The following RIMS3 variants were observed in gnomAD, a reference collection of about 807,000 sequenced individuals.
The protein encoded by RIMS3 is regulating synaptic membrane exocytosis protein 3.
Under a neutral mutation model 29.2 loss-of-function variants are expected in RIMS3, and 15 were observed. The observed-to-expected ratio is 0.51, with a 90% CI of 0.34 to 0.79. RIMS3 has a LOEUF of 0.79. Among genes scored for constraint, RIMS3 ranks in the 30% least tolerant of loss-of-function variants. RIMS3 has a pLI of 0.01. For synonymous variants in RIMS3, 161 were observed against 170.1 expected (o/e 0.95, Z 0.41); for missense variants, 342 against 421.4 (o/e 0.81, Z 1.65).
chr1:40,683,779 C>T, the RIMS3 span, among the ~76,000 whole-genome samples: 5 of 152,226 alleles, frequency 3.3e-5, no homozygotes, highest in Non-Finnish European at 5.9e-5. Context: ...ATTTCTACCA[C>T]TGCAGAAAGC....
intron 6 of RIMS3, 139 bp downstream of exon 6, chr1:40,629,132 T>A (rs1646472753): frequency 3.8e-6 from 4 of 1,050,792 alleles, no homozygotes; most frequent in Non-Finnish European, 5.8e-6. Context: ...CTCCCCCACC[T>A]AGTCACTGGC....
intron 1 of RIMS3, among the ~76,000 whole-genome samples, chr1:40,648,132 G>C (rs544506967): frequency 1.3e-5 from 2 of 152,088 alleles, no homozygotes; most frequent in Non-Finnish European, 2.9e-5. Context: ...AGGAGCTCTA[G>C]ACCCTATCCT....
At chr1:40,644,743 C>T (rs565216154) in intron 2 of RIMS3, among the ~76,000 whole-genome samples, 2 of 152,350 alleles carry the variant, frequency 1.3e-5, no homozygotes, top group East Asian at 1.9e-4. Flanking sequence ...GCCTCTCCAG[C>T]ATGCTCTGCA....
At position 40,629,180 on chromosome 1, in the gene RIMS3, G is replaced by A; in HGVS notation, c.574+91C>T. ...CTGTGACTCCACTGTAAAGAATCCC[G>A]ATTTAGGCCAGTGGGAGCTGAGGAC... On this transcript the variant is annotated intron_variant, in intron 6 of 7. Transcript: ENST00000372684. The A allele has an allele frequency of 6.5e-6, 8 of 1,228,538 alleles. No individual in the cohort carries two copies. The South Asian group carries it at 1.0e-4, about 16-fold the overall frequency. The allele number at this position is 1,228,538 out of a possible 1,614,324, so 76.1% of individuals were successfully genotyped here. A position where few individuals can be genotyped will look rare whatever the true frequency, so the allele number is the denominator to read the frequency against.
At chr1:40,648,019 C>T (rs1253995386) in intron 1 of RIMS3, among the ~76,000 whole-genome samples, 177 bp from the exon 2 acceptor site, 1 of 152,128 alleles carries the variant, frequency 6.6e-6, no homozygotes, top group East Asian at 1.9e-4. Flanking sequence ...ACTCATGGGC[C>T]CCCTTAATGT....
At chr1:40,665,154 C>G (rs1395427782) in intron 1 of RIMS3, among the ~76,000 whole-genome samples, 1 of 152,178 alleles carries the variant, frequency 6.6e-6, no homozygotes, top group African/African-American at 2.4e-5. Context: ...GAACTCAAGA[C>G]TCTGGGCCCC....
intron 5 of RIMS3, among the ~76,000 whole-genome samples, chr1:40,631,324 G>C (rs1018733778): frequency 6.6e-6 from 1 of 152,114 alleles, no homozygotes; most frequent in African/African-American, 2.4e-5. Context: ...AGGTAGTACC[G>C]TCATCCCTCA....
chr1:40,690,202 C>T, the RIMS3 span, among the ~76,000 whole-genome samples: 1 of 152,120 alleles, frequency 6.6e-6, no homozygotes, highest in Non-Finnish European at 1.5e-5. Context: ...CATTTTTTGG[C>T]AAGCATAGTA....
chr1:40,673,931 T>C, the RIMS3 span, among the ~76,000 whole-genome samples: 2 of 148,944 alleles, frequency 1.3e-5, no homozygotes, highest in Non-Finnish European at 3.0e-5. Flanking sequence ...AGAAAACATA[T>C]GTAAAGTGAT....
At chr1:40,660,998 C>T (rs1257422870) in intron 1 of RIMS3, among the ~76,000 whole-genome samples, 1 of 152,154 alleles carries the variant, frequency 6.6e-6, no homozygotes, top group Non-Finnish European at 1.5e-5. Context: ...GTCCTCCCTT[C>T]TCCACTGCAC....
intron 5 of RIMS3, among the ~76,000 whole-genome samples, chr1:40,632,418 TTATATATATATATA>T (rs56394507): frequency 0.16 from 13,785 of 87,940 alleles, 970 homozygotes; most frequent in Middle Eastern, 0.2. Flanking sequence ...ACATATAAAT[TTATATATATATATA>T]TATATATATA....
chr1:40,686,477 C>G, the RIMS3 span, among the ~76,000 whole-genome samples: 1 of 151,948 alleles, frequency 6.6e-6, no homozygotes, highest in Non-Finnish European at 1.5e-5. Flanking sequence ...ACGGTGAAAC[C>G]CACCGTTTCT....
chr1:40,687,268 C>A, the RIMS3 span, among the ~76,000 whole-genome samples: 1 of 152,048 alleles, frequency 6.6e-6, no homozygotes, highest in African/African-American at 2.4e-5. Context: ...GGATGCACAA[C>A]GTGAACAGGC....
rs553129707 is a variant in RIMS3, at chr1:40,633,233, G to A, written c.360-52C>T. 5.6e-5 allele frequency: 80 copies of A among 1,428,438 alleles called. 2 individuals are homozygous for A. The South Asian group carries it at 8.9e-4, about 16-fold the overall frequency. The allele number at this position is 1,428,438 out of a possible 1,614,324, so 88.5% of individuals were successfully genotyped here. A position where few individuals can be genotyped will look rare whatever the true frequency, so the allele number is the denominator to read the frequency against. On this transcript the variant is annotated intron_variant, in intron 4 of 7. Coordinates refer to ENST00000372684, the MANE Select transcript of RIMS3 (RefSeq NM_014747.3). Reference sequence around the variant, plus strand: ...GAGGGGGTCAGGGCAACCTGAGGATGAAAGTATAGCTGGCAGGCTGCCATG... The same window carrying A: ...GAGGGGGTCAGGGCAACCTGAGGATAAAAGTATAGCTGGCAGGCTGCCATG...
At chr1:40,648,125 A>C (rs1646607169) in intron 1 of RIMS3, among the ~76,000 whole-genome samples, 1 of 152,166 alleles carries the variant, frequency 6.6e-6, no homozygotes, top group Admixed American at 6.5e-5. Flanking sequence ...ACTGCTAAGG[A>C]GCTCTAGACC....
At chr1:40,638,258 C>G (rs1019215109) in intron 3 of RIMS3, among the ~76,000 whole-genome samples, 1 of 152,142 alleles carries the variant, frequency 6.6e-6, no homozygotes, top group Non-Finnish European at 1.5e-5. Flanking sequence ...CCCCATCTAG[C>G]TGAGAGGTGA....
At chr1:40,643,265 G>A (rs11803360) in intron 2 of RIMS3, among the ~76,000 whole-genome samples, 1 of 151,528 alleles carries the variant, frequency 6.6e-6, no homozygotes, top group East Asian at 1.9e-4. Flanking sequence ...CCGAGTAGCT[G>A]GGATTACAGG....
chr1:40,668,703 G>GA (rs1469228601), upstream of RIMS3, among the ~76,000 whole-genome samples: 6 of 152,080 alleles, frequency 3.9e-5, no homozygotes, highest in Non-Finnish European at 8.8e-5. Flanking sequence ...ATGAAACCTA[G>GA]AAGCCATAAG....
At chr1:40,673,426 C>G in the RIMS3 span, 2 of 152,176 alleles carry the variant, frequency 1.3e-5, no homozygotes, top group African/African-American at 4.8e-5. Context: ...CTCAATGTTC[C>G]CTCTGGCCTC....
Sources: allele counts gnomAD v4.1 joint callset (sites outside exome capture counted in the v4.1 genomes callset), GRCh38; gene constraint gnomAD v4.1.1; transcripts MANE v1.5; gene names NCBI Gene and HGNC (gene_info 2026-07-23, HGNC 2026-07-21).